Variants in LDLRAD3 observed in about 807,000 individuals in gnomAD.
The protein encoded by LDLRAD3 is low-density lipoprotein receptor class A domain-containing protein 3.
Under a neutral mutation model 29.4 loss-of-function variants are expected in LDLRAD3, and 20 were observed. The ratio of observed to expected loss-of-function variants is 0.68; its 90% CI spans 0.48 to 0.99. The LOEUF (loss-of-function observed/expected upper bound fraction) is 0.99, where lower values mean the gene tolerates loss of function less well. Ranked by LOEUF, LDLRAD3 falls within the 50% of genes least tolerant of loss-of-function variation. The probability of loss-of-function intolerance (pLI) is 0.00; values close to 1 mark genes in which losing one functional copy is unlikely to be tolerated. For synonymous variants in LDLRAD3, 157 were observed against 192.7 expected, an observed-to-expected ratio of 0.81 and a Z score of 1.53; for missense variants, 420 against 454.3, an observed-to-expected ratio of 0.92 and a Z score of 0.69.
At chr11:36,085,962 T>C (rs1386784911) in intron 3 of LDLRAD3, among the ~76,000 whole-genome samples, 3 of 152,172 alleles carry the variant, frequency 2.0e-5, no homozygotes, top group Admixed American at 6.5e-5. Context: ...ATTGTTCATA[T>C]TGGACAATTT....
At chr11:36,138,346 C>T (rs952247713) in intron 4 of LDLRAD3, among the ~76,000 whole-genome samples, 5 of 152,182 alleles carry the variant, frequency 3.3e-5, no homozygotes, top group South Asian at 2.1e-4. Flanking sequence ...GCACATGATG[C>T]GGGAATAGAT....
At chr11:35,966,299 C>A (rs951878047) in intron 1 of LDLRAD3, among the ~76,000 whole-genome samples, 1 of 152,098 alleles carries the variant, frequency 6.6e-6, no homozygotes, top group Non-Finnish European at 1.5e-5. Flanking sequence ...GTGGTATGCA[C>A]CTGTAGTCCC....
At chr11:36,077,639 G>A (rs1225435636) in intron 2 of LDLRAD3, among the ~76,000 whole-genome samples, 2 of 152,234 alleles carry the variant, frequency 1.3e-5, no homozygotes, top group Non-Finnish European at 2.9e-5. Context: ...AGGTGGACCA[G>A]GCATACCTTA....
rs536170859 is a variant in LDLRAD3 at position 36,228,851 on chromosome 11, G to C, written c.801-309G>C. ...CACAGGGCTTTTGGCTGATGGAGCA[G>C]AGTGGCAATGCCAAACCACCCAGGT... On this transcript the variant is annotated intron_variant, in intron 5 of 5. Coordinates refer to ENST00000315571, the MANE Select transcript of LDLRAD3 (RefSeq NM_174902.4). Among the ~76,000 whole-genome samples the C allele has an allele frequency of 1.3e-4, 20 of 152,250 alleles. No homozygotes were observed. In the South Asian group the frequency reaches 3.3e-3, roughly 25 times the overall value.
chr11:36,102,751 G>T (rs979373241), intron 4 of LDLRAD3, among the ~76,000 whole-genome samples: 1 of 152,118 alleles, frequency 6.6e-6, no homozygotes, highest in Non-Finnish European at 1.5e-5. Context: ...GCAGGCTTTC[G>T]ATGGCTTTTC....
At chr11:36,047,364 T>G (rs1852465577) in intron 2 of LDLRAD3, among the ~76,000 whole-genome samples, 1 of 152,206 alleles carries the variant, frequency 6.6e-6, no homozygotes, top group African/African-American at 2.4e-5. Flanking sequence ...TTCTAAGGCC[T>G]CCAGTGTTTT....
At chr11:36,075,876 C>A (rs984106846) in intron 2 of LDLRAD3, among the ~76,000 whole-genome samples, 1 of 152,168 alleles carries the variant, frequency 6.6e-6, no homozygotes, top group African/African-American at 2.4e-5. Flanking sequence ...ATGGTTCTAG[C>A]TTTGGCTATT....
chr11:35,952,963 A>C (rs1302512832), intron 1 of LDLRAD3, among the ~76,000 whole-genome samples: 5 of 152,186 alleles, frequency 3.3e-5, no homozygotes, highest in Non-Finnish European at 7.3e-5. Context: ...TTGTTGCTTC[A>C]AACTAAGGGG....
chr11:35,989,433 A>T (rs1471520501), intron 1 of LDLRAD3, among the ~76,000 whole-genome samples: 1 of 152,196 alleles, frequency 6.6e-6, no homozygotes, highest in Non-Finnish European at 1.5e-5. Context: ...GTTTGATAGG[A>T]TTAGCATTGA....
chr11:36,139,875 G>A (rs6484818), intron 4 of LDLRAD3, among the ~76,000 whole-genome samples: 46,978 of 152,140 alleles, frequency 0.31, 7,765 homozygotes, highest in East Asian at 0.56. Context: ...AGGCTTGGCA[G>A]CAGGAATCCA....
In LDLRAD3 at chr11:36,229,418, C is replaced by T. The variant is rs1171653787; in HGVS notation, c.*21C>T. The T allele has an allele frequency of 1.3e-6, 2 of 1,528,054 alleles. No homozygotes were observed. The highest frequency in any genetic ancestry group is 1.8e-6 in the Non-Finnish European group (2 of 1,105,114). The allele number at this position is 1,528,054 out of a possible 1,614,324, so 94.7% of individuals were successfully genotyped here. A position where few individuals can be genotyped will look rare whatever the true frequency, so the allele number is the denominator to read the frequency against. ...TATAAGTCCCAGTTATTCCAAAGTC[C>T]ATATGGGTTAATCTGCTCTGACTTG... On this transcript the variant is annotated 3_prime_UTR_variant, in exon 6 of 6. Coordinates refer to ENST00000315571, the MANE Select transcript of LDLRAD3 (RefSeq NM_174902.4).
At chr11:36,058,090 C>T (rs1248597701) in intron 2 of LDLRAD3, among the ~76,000 whole-genome samples, 2 of 152,212 alleles carry the variant, frequency 1.3e-5, no homozygotes, top group African/African-American at 4.8e-5. Context: ...ATAACAACAA[C>T]CCTCCAGTGG....
At chr11:36,123,012 C>T (rs963578201) in intron 4 of LDLRAD3, among the ~76,000 whole-genome samples, 3 of 151,838 alleles carry the variant, frequency 2.0e-5, no homozygotes, top group Admixed American at 2.0e-4. Flanking sequence ...CTTGTCTCTA[C>T]AACAACAACA....
intron 2 of LDLRAD3, among the ~76,000 whole-genome samples, chr11:36,067,407 A>G (rs1261649138): frequency 6.6e-6 from 1 of 152,256 alleles, no homozygotes; most frequent in East Asian, 1.9e-4. Flanking sequence ...TCAAATAATA[A>G]GATGTAATGT....
chr11:35,966,415 A>G (rs1156486728), intron 1 of LDLRAD3, among the ~76,000 whole-genome samples: 1 of 152,096 alleles, frequency 6.6e-6, no homozygotes, highest in African/African-American at 2.4e-5. Context: ...ACAGAGTGAG[A>G]CTCCGTCCCA....
At chr11:36,019,212 G>A (rs184895632) in intron 1 of LDLRAD3, among the ~76,000 whole-genome samples, 1 of 152,304 alleles carries the variant, frequency 6.6e-6, no homozygotes, top group African/African-American at 2.4e-5. Context: ...AGGGGTTGGA[G>A]CCTGTTGGAG....
chr11:36,189,952 C>T (rs571514676), intron 4 of LDLRAD3, among the ~76,000 whole-genome samples: 82 of 152,008 alleles, frequency 5.4e-4, no homozygotes, highest in Non-Finnish European at 9.1e-4. Flanking sequence ...TGTATATGTG[C>T]CACATAGCTT....
At chr11:36,216,147 G>A (rs1017942900) in intron 4 of LDLRAD3, among the ~76,000 whole-genome samples, 1 of 152,180 alleles carries the variant, frequency 6.6e-6, no homozygotes, top group Admixed American at 6.6e-5. Flanking sequence ...ACTGTATCAC[G>A]AGAAGAGAGG....
intron 4 of LDLRAD3, among the ~76,000 whole-genome samples, chr11:36,154,173 T>G (rs1854315256): frequency 6.6e-6 from 1 of 152,184 alleles, no homozygotes; most frequent in Non-Finnish European, 1.5e-5. Flanking sequence ...ATTCTGGCAT[T>G]CTTAAAGAGT....
Sources: gnomAD v4.1 joint callset for allele counts (sites outside exome capture counted in the v4.1 genomes callset) on GRCh38, gnomAD v4.1.1 for gene constraint, MANE v1.5 for transcripts, NCBI Gene and HGNC (gene_info 2026-07-23, HGNC 2026-07-21) for gene names.